The following GPC5 variants were observed in gnomAD, a reference collection of about 807,000 sequenced individuals.
GPC5 encodes glypican-5.
Under a neutral mutation model 53.9 loss-of-function variants are expected in GPC5, and 47 were observed. The ratio of observed to expected loss-of-function variants is 0.87; its 90% CI spans 0.69 to 1.11. The LOEUF (loss-of-function observed/expected upper bound fraction) is 1.11. Ranked by LOEUF, GPC5 falls within the 50% of genes most tolerant of loss-of-function variation. The pLI is 0.00. For missense variants in GPC5, 748 were observed against 713.1 expected (o/e 1.05, Z -0.56); for synonymous variants, 286 against 263.3 (o/e 1.09, Z -0.84).
intron 5 of GPC5, among the ~76,000 whole-genome samples, chr13:91,872,954 G>C (rs929254729): frequency 6.6e-6 from 1 of 152,076 alleles, no homozygotes; most frequent in Non-Finnish European, 1.5e-5. Context: ...AAAATGGCAA[G>C]TCATTTCAAA....
At chr13:92,497,074 A>T (rs1880007017) in intron 7 of GPC5, among the ~76,000 whole-genome samples, 1 of 152,084 alleles carries the variant, frequency 6.6e-6, no homozygotes, top group African/African-American at 2.4e-5. Flanking sequence ...TTCTGATGAT[A>T]ATTTCTTTTG....
At chr13:92,005,949 A>G (rs1348656390) in intron 6 of GPC5, among the ~76,000 whole-genome samples, 1 of 152,202 alleles carries the variant, frequency 6.6e-6, no homozygotes, top group Non-Finnish European at 1.5e-5. Flanking sequence ...TCTCAAAGAA[A>G]CTAGATGTAA....
At chr13:92,007,608 C>A (rs2040619026) in intron 6 of GPC5, among the ~76,000 whole-genome samples, 2 of 152,004 alleles carry the variant, frequency 1.3e-5, no homozygotes, top group Non-Finnish European at 2.9e-5. Context: ...AATTGTGTGT[C>A]TTTCAGGCTG....
At chr13:91,597,991 T>A (rs577958989) in intron 2 of GPC5, among the ~76,000 whole-genome samples, 12 of 152,132 alleles carry the variant, frequency 7.9e-5, no homozygotes, top group African/African-American at 2.7e-4. Flanking sequence ...CAGAACACTT[T>A]GTAAAAAACA....
At chr13:92,828,359 T>A (rs1877925015) in intron 7 of GPC5, among the ~76,000 whole-genome samples, 1 of 152,158 alleles carries the variant, frequency 6.6e-6, no homozygotes, top group Non-Finnish European at 1.5e-5. Context: ...ATTTTTGTTT[T>A]TACTTGGTTA....
intron 7 of GPC5, among the ~76,000 whole-genome samples, chr13:92,600,755 C>T (rs944666805): frequency 1.3e-5 from 2 of 151,880 alleles, no homozygotes; most frequent in East Asian, 1.9e-4. Context: ...GATGCACACA[C>T]CTCGGCCTCC....
At chr13:92,758,481 TA>T (rs567527262) in intron 7 of GPC5, among the ~76,000 whole-genome samples, 59 of 151,600 alleles carry the variant, frequency 3.9e-4, no homozygotes, top group Admixed American at 8.6e-4. Flanking sequence ...ATAATAATAA[TA>T]AAAAAAAGAA....
chr13:92,522,293 A>G (rs1490027667), intron 7 of GPC5, among the ~76,000 whole-genome samples: 4 of 152,236 alleles, frequency 2.6e-5, no homozygotes, highest in Non-Finnish European at 4.4e-5. Context: ...ATTACAAATC[A>G]TGCTGCTATA....
intron 7 of GPC5, among the ~76,000 whole-genome samples, chr13:92,219,522 C>T (rs554022322): frequency 1.3e-5 from 2 of 152,108 alleles, no homozygotes; most frequent in Admixed American, 1.3e-4. Flanking sequence ...CCAAGTAACA[C>T]AAGGATCAGA....
intron 7 of GPC5, among the ~76,000 whole-genome samples, chr13:92,504,795 A>G (rs1174716263): frequency 6.7e-6 from 1 of 149,062 alleles, no homozygotes; most frequent in Non-Finnish European, 1.5e-5. Context: ...AGAAAAGAGC[A>G]CTGAATTAAA....
intron 7 of GPC5, among the ~76,000 whole-genome samples, chr13:92,489,566 A>G (rs892265080): frequency 2.0e-5 from 3 of 152,132 alleles, no homozygotes; most frequent in African/African-American, 7.2e-5. Context: ...AGATAACTGA[A>G]GGAAGTGAGA....
chr13:91,590,340 A>G (rs562652497), intron 2 of GPC5, among the ~76,000 whole-genome samples: 1 of 152,188 alleles, frequency 6.6e-6, no homozygotes, highest in Non-Finnish European at 1.5e-5. Context: ...AGATCTTCAA[A>G]TTATTCCCCT....
At chr13:92,263,326 T>C (rs1330994) in intron 7 of GPC5, among the ~76,000 whole-genome samples, 137,538 of 152,154 alleles carry the variant, frequency 0.9, 62,457 homozygotes, top group East Asian at 1. Flanking sequence ...ACAGACGCAT[T>C]CTTGAGTTGA....
intron 7 of GPC5, among the ~76,000 whole-genome samples, chr13:92,490,484 C>A (rs1488153078): frequency 1.3e-5 from 2 of 152,034 alleles, no homozygotes; most frequent in Admixed American, 6.6e-5. Flanking sequence ...CATTAAGTAT[C>A]CACCCAGCCT....
At chr13:91,443,135 A>AT (rs1880553102) in intron 1 of GPC5, among the ~76,000 whole-genome samples, 2 of 152,260 alleles carry the variant, frequency 1.3e-5, no homozygotes, top group African/African-American at 4.8e-5. Flanking sequence ...CACTGCAAAC[A>AT]TTTTGAGGGT....
At chr13:92,809,206 C>T (rs1224055670) in intron 7 of GPC5, among the ~76,000 whole-genome samples, 1 of 152,140 alleles carries the variant, frequency 6.6e-6, no homozygotes, top group Non-Finnish European at 1.5e-5. Context: ...TGTGGTCACA[C>T]AGCATAACTG....
intron 5 of GPC5, among the ~76,000 whole-genome samples, chr13:91,817,235 A>C (rs1405723676): frequency 6.6e-6 from 1 of 152,148 alleles, no homozygotes; most frequent in African/African-American, 2.4e-5. Context: ...TTGGATTATA[A>C]ATGCATGGAT....
intron 6 of GPC5, among the ~76,000 whole-genome samples, chr13:91,990,061 G>A (rs778538220): frequency 9.2e-5 from 14 of 152,084 alleles, no homozygotes; most frequent in Non-Finnish European, 1.9e-4. Flanking sequence ...TTCTCACAGA[G>A]ATATGAAGAT....
chr13:92,337,826 C>A (rs1014646159), intron 7 of GPC5, among the ~76,000 whole-genome samples: 6 of 152,062 alleles, frequency 3.9e-5, no homozygotes, highest in Non-Finnish European at 8.8e-5. Context: ...AGACCATAGA[C>A]CTAAATGTAA....
Sources: gnomAD v4.1 joint callset for allele counts (sites outside exome capture counted in the v4.1 genomes callset) on GRCh38, gnomAD v4.1.1 for gene constraint, MANE v1.5 for transcripts, NCBI Gene and HGNC (gene_info 2026-07-23, HGNC 2026-07-21) for gene names.